ASIC2: variants seen among roughly 807,000 people sequenced by gnomAD.
The protein encoded by ASIC2 is acid-sensing ion channel 2.
In ASIC2, 25 loss-of-function variants were observed where a neutral mutation model predicts 57.3. The ratio of observed to expected loss-of-function variants is 0.44; its 90% CI spans 0.32 to 0.61. ASIC2 has a LOEUF of 0.61. ASIC2 is among the 20% of genes least tolerant of loss of function. ASIC2 has a pLI of 0.06. For synonymous variants in ASIC2, 319 were observed against 307.5 expected (o/e 1.04, Z -0.39); for missense variants, 641 against 738.1 (o/e 0.87, Z 1.52).
intron 1 of ASIC2, among the ~76,000 whole-genome samples, chr17:33,928,335 G>A (rs372492861): frequency 3.9e-5 from 6 of 152,296 alleles, no homozygotes; most frequent in Admixed American, 1.3e-4. Flanking sequence ...ACTCTGCAGC[G>A]TGGGGGGCAG....
chr17:33,390,299 C>A (rs912230077), intron 1 of ASIC2, among the ~76,000 whole-genome samples: 7 of 151,890 alleles, frequency 4.6e-5, no homozygotes, highest in African/African-American at 1.7e-4. Context: ...GGCCACAGAG[C>A]GAGATTCGGT....
chr17:33,357,990 T>C (rs1433809835), intron 1 of ASIC2, among the ~76,000 whole-genome samples: 3 of 152,192 alleles, frequency 2.0e-5, no homozygotes, highest in African/African-American at 7.2e-5. Flanking sequence ...CTGGCAAAGC[T>C]GTATTTTAAC....
At chr17:33,278,025 T>C (rs1410120468) in intron 1 of ASIC2, among the ~76,000 whole-genome samples, 1 of 152,166 alleles carries the variant, frequency 6.6e-6, no homozygotes, top group Non-Finnish European at 1.5e-5. Flanking sequence ...CTTCCCCAAC[T>C]CGGGGCCTTT....
intron 1 of ASIC2, among the ~76,000 whole-genome samples, chr17:33,737,704 C>T (rs1408766880): frequency 6.8e-6 from 1 of 147,950 alleles, no homozygotes; most frequent in Admixed American, 7.1e-5. Context: ...AAATGGCAGC[C>T]ATCCTTATTG....
At chr17:33,036,914 G>C (rs745852560) in intron 3 of ASIC2, among the ~76,000 whole-genome samples, 1 of 152,110 alleles carries the variant, frequency 6.6e-6, no homozygotes, top group South Asian at 2.1e-4. Flanking sequence ...ACACCACCAA[G>C]TCCCATTCAA....
chr17:33,604,853 T>G (rs879313614), intron 1 of ASIC2, among the ~76,000 whole-genome samples: 3 of 152,156 alleles, frequency 2.0e-5, no homozygotes, highest in Admixed American at 2.0e-4. Flanking sequence ...ACTCGTTCTT[T>G]CCCTGAGTGG....
chr17:33,362,153 G>A (rs887270234), intron 1 of ASIC2, among the ~76,000 whole-genome samples: 1 of 152,150 alleles, frequency 6.6e-6, no homozygotes, highest in African/African-American at 2.4e-5. Flanking sequence ...AGAGGAAACA[G>A]GAACAACTAG....
rs116556251 is a variant in ASIC2, at chr17:34,081,345, T to C, written c.555+74633A>G. Among the ~76,000 whole-genome samples, 807 of 152,280 alleles carry C rather than the reference T, an allele frequency of 5.3e-3. 10 individuals are homozygous for C. Among genetic ancestry groups the C allele is most frequent in the African/African-American group, 0.018 (769 of 41,576 alleles). On this transcript the variant is annotated intron_variant, in intron 1 of 9. Coordinates refer to the ASIC2 transcript ENST00000359872. ...TCTACTTTGCTAGGCACTAGATAGATAGATATCCTTAGAAGTGATAGAAAA... is the reference window on the plus strand; with the variant it reads ...TCTACTTTGCTAGGCACTAGATAGACAGATATCCTTAGAAGTGATAGAAAA...
intron 1 of ASIC2, among the ~76,000 whole-genome samples, chr17:33,992,374 A>T (rs1186601839): frequency 2.0e-5 from 3 of 152,174 alleles, no homozygotes; most frequent in African/African-American, 7.2e-5. Context: ...ACCTGAGAAA[A>T]TTGATTTCTA....
At chr17:33,756,638 G>A (rs1175938912) in intron 1 of ASIC2, among the ~76,000 whole-genome samples, 1 of 152,226 alleles carries the variant, frequency 6.6e-6, no homozygotes, top group Non-Finnish European at 1.5e-5. Flanking sequence ...GCTGGGAAGG[G>A]CACTTCCTGC....
chr17:33,534,470 G>T (rs1429095545), intron 1 of ASIC2: 1 of 152,190 alleles, frequency 6.6e-6, no homozygotes, highest in Non-Finnish European at 1.5e-5. Flanking sequence ...TGGGGGATTG[G>T]TCCGTGTGGT....
chr17:33,377,232 G>A (rs1909311972), intron 1 of ASIC2, among the ~76,000 whole-genome samples: 1 of 152,120 alleles, frequency 6.6e-6, no homozygotes, highest in Admixed American at 6.5e-5. Context: ...TGTATTTTTA[G>A]TAGAGATGGG....
At chr17:33,588,399 A>G (rs1645744057) in intron 1 of ASIC2, among the ~76,000 whole-genome samples, 1 of 152,192 alleles carries the variant, frequency 6.6e-6, no homozygotes, top group South Asian at 2.1e-4. Context: ...AGTTGGATTC[A>G]GTGATCTTTG....
intron 1 of ASIC2, among the ~76,000 whole-genome samples, chr17:33,943,259 A>C (rs1489768451): frequency 6.6e-6 from 1 of 152,226 alleles, no homozygotes; most frequent in African/African-American, 2.4e-5. Context: ...GCAGGGAAGA[A>C]GGTTGATATT....
intron 1 of ASIC2, among the ~76,000 whole-genome samples, chr17:33,834,895 G>A (rs1913226737): frequency 6.6e-6 from 1 of 152,028 alleles, no homozygotes. Context: ...GGATTTGGAG[G>A]ACTACACCTA....
chr17:33,947,807 T>C (rs1904433067), intron 1 of ASIC2, among the ~76,000 whole-genome samples: 2 of 152,226 alleles, frequency 1.3e-5, no homozygotes, highest in South Asian at 4.1e-4. Context: ...TTTTCTTTCT[T>C]TGTTTGGATG....
chr17:33,346,619 T>A (rs1332389473), intron 1 of ASIC2, among the ~76,000 whole-genome samples: 1 of 152,192 alleles, frequency 6.6e-6, no homozygotes, highest in East Asian at 1.9e-4. Context: ...GAGATACCTG[T>A]TAGGCATCCG....
At chr17:33,692,085 T>G (rs1567690255) in intron 1 of ASIC2, 1 of 152,160 alleles carries the variant, frequency 6.6e-6, no homozygotes, top group Non-Finnish European at 1.5e-5. Context: ...AAAATCTTAT[T>G]TCTAGAATAC....
At chr17:33,985,435 C>T (rs897815710) in intron 1 of ASIC2, among the ~76,000 whole-genome samples, 1 of 152,168 alleles carries the variant, frequency 6.6e-6, no homozygotes, top group Admixed American at 6.5e-5. Context: ...GCATCTCTAA[C>T]AAGCTCTCAA....
Sources: allele counts gnomAD v4.1 joint callset (sites outside exome capture counted in the v4.1 genomes callset), GRCh38; gene constraint gnomAD v4.1.1; transcripts MANE v1.5; gene names NCBI Gene and HGNC (gene_info 2026-07-23, HGNC 2026-07-21).